The following ASAP1 variants were observed in gnomAD, a reference collection of about 807,000 sequenced individuals.
ASAP1 encodes the protein arf-GAP with SH3 domain, ANK repeat and PH domain-containing protein 1.
ASAP1 carries 43 observed loss-of-function variants against 145.2 expected under a neutral mutation model. The observed-to-expected ratio is 0.30, with a 90% CI of 0.23 to 0.38. ASAP1 has a LOEUF of 0.38. Among genes scored for constraint, ASAP1 ranks in the 10% least tolerant of loss-of-function variants. ASAP1 has a pLI of 1.00. For synonymous variants in ASAP1, 546 were observed against 515.5 expected (o/e 1.06, Z -0.80); for missense variants, 1,018 against 1,355.3 (o/e 0.75, Z 3.91).
intron 3 of ASAP1, among the ~76,000 whole-genome samples, chr8:130,275,321 G>A (rs1820812571): frequency 6.6e-6 from 1 of 152,250 alleles, no homozygotes; most frequent in Non-Finnish European, 1.5e-5. Flanking sequence ...ACAGGTCAAA[G>A]AGAGCTAAAG....
At chr8:130,335,852 A>T (rs1824999978) in intron 3 of ASAP1, among the ~76,000 whole-genome samples, 1 of 152,226 alleles carries the variant, frequency 6.6e-6, no homozygotes, top group South Asian at 2.1e-4. Context: ...AGGTTAATAA[A>T]AATGATATGG....
intron 7 of ASAP1, among the ~76,000 whole-genome samples, chr8:130,181,980 C>T (rs908328354): frequency 6.6e-5 from 10 of 152,138 alleles, no homozygotes; most frequent in South Asian, 4.1e-4. Flanking sequence ...GAAAATCCAC[C>T]GATCAAGCCA....
chr8:130,307,978 TTGTCTCC>T (rs1823098060), intron 3 of ASAP1, among the ~76,000 whole-genome samples: 1 of 152,242 alleles, frequency 6.6e-6, no homozygotes, highest in Non-Finnish European at 1.5e-5. Context: ...TCCTCAAAAG[TTGTCTCC>T]ATTTCCTGAC....
At chr8:130,437,667 GT>G (rs148077844) in intron 1 of ASAP1, among the ~76,000 whole-genome samples, 4,793 of 152,348 alleles carry the variant, frequency 0.031, 95 homozygotes, top group African/African-American at 0.057. Context: ...CACAGGACAA[GT>G]TTTTACAGAG....
At chr8:130,127,513 T>C (rs1051057621) in intron 16 of ASAP1, among the ~76,000 whole-genome samples, 5 of 152,132 alleles carry the variant, frequency 3.3e-5, no homozygotes, top group African/African-American at 7.2e-5. Context: ...CACCGTGCCA[T>C]AGCAAGAGGT....
At chr8:130,169,247 C>T (rs377537247) in intron 9 of ASAP1, among the ~76,000 whole-genome samples, 180 bp from the exon 10 acceptor site, 15 of 152,270 alleles carry the variant, frequency 9.9e-5, no homozygotes, top group African/African-American at 3.1e-4. Context: ...AAACTAATTA[C>T]GGCATTTTAT....
At chr8:130,198,702 C>T (rs1434462175) in intron 5 of ASAP1, among the ~76,000 whole-genome samples, 2 of 152,178 alleles carry the variant, frequency 1.3e-5, no homozygotes, top group Non-Finnish European at 2.9e-5. Flanking sequence ...TTAAGTAACT[C>T]GCCCAAGGTC....
At chr8:130,159,773 T>C (rs1043224975) in intron 12 of ASAP1, 91 bp downstream of exon 12, 8 of 1,018,440 alleles carry the variant, frequency 7.9e-6, no homozygotes, top group Non-Finnish European at 1.2e-5. Context: ...TAGTGTATTA[T>C]AAAATTTTAA....
intron 3 of ASAP1, among the ~76,000 whole-genome samples, chr8:130,338,407 AG>A (rs1330910673): frequency 6.6e-6 from 1 of 152,206 alleles, no homozygotes; most frequent in East Asian, 1.9e-4. Flanking sequence ...TATTCTGCAT[AG>A]GGGAAGTATT....
Position 130,267,120 on chromosome 8 carries a change from AAAC to A in ASAP1, c.187-30129_187-30127del, listed in dbSNP as rs1313948284. Among the ~76,000 whole-genome samples the A allele has an allele frequency of 1.5e-3, 168 of 113,432 alleles. No homozygotes were observed. In the East Asian group the frequency reaches 0.038, roughly 25 times the overall value. 74.4% of individuals were successfully genotyped at this position (113,432 alleles called of 152,430 possible). Reference sequence around the variant, plus strand: ...TCTGTCTCAAAACAAACAAACAAACAAACAAAAAAAAAACAAAACAAAAAACAA... The same window carrying A: ...TCTGTCTCAAAACAAACAAACAAACAAAAAAAAAAACAAAACAAAAAACAA... On this transcript the variant is annotated intron_variant, in intron 3 of 29. Transcript: ENST00000518721.
intron 5 of ASAP1, among the ~76,000 whole-genome samples, chr8:130,201,957 A>C (rs1265347024): frequency 2.0e-5 from 3 of 152,168 alleles, no homozygotes; most frequent in African/African-American, 7.2e-5. Flanking sequence ...AAAATTCAAC[A>C]AACATATGCA....
At chr8:130,366,886 CTTTTTTTTTTT>C (rs905755447) in intron 2 of ASAP1, among the ~76,000 whole-genome samples, 4 of 99,206 alleles carry the variant, frequency 4.0e-5, no homozygotes, top group African/African-American at 1.2e-4. Flanking sequence ...TGCTAGATTC[CTTTTTTTTTTT>C]TTTTTTTTTT....
At chr8:130,148,705 C>T (rs2097638852) in intron 13 of ASAP1, among the ~76,000 whole-genome samples, 1 of 152,160 alleles carries the variant, frequency 6.6e-6, no homozygotes, top group South Asian at 2.1e-4. Flanking sequence ...CTTATACTTT[C>T]TGTTGTAATT....
intron 12 of ASAP1, among the ~76,000 whole-genome samples, chr8:130,154,060 A>C (rs1482161560): frequency 6.6e-6 from 1 of 152,054 alleles, no homozygotes; most frequent in Non-Finnish European, 1.5e-5. Context: ...TAAGAAAGTA[A>C]CTCAAGAAGT....
chr8:130,151,099 G>A (rs1398544767), intron 13 of ASAP1, among the ~76,000 whole-genome samples: 4 of 152,046 alleles, frequency 2.6e-5, no homozygotes, highest in East Asian at 3.9e-4. Context: ...AGGGCCAGGC[G>A]TGCAGGCTCA....
At chr8:130,411,140 G>A (rs975278294) in intron 1 of ASAP1, among the ~76,000 whole-genome samples, 2 of 152,234 alleles carry the variant, frequency 1.3e-5, no homozygotes, top group African/African-American at 4.8e-5. Flanking sequence ...GGGATTACAG[G>A]CATGAGCCAC....
At chr8:130,264,920 T>C (rs1820152317) in intron 3 of ASAP1, among the ~76,000 whole-genome samples, 1 of 151,082 alleles carries the variant, frequency 6.6e-6, no homozygotes, top group South Asian at 2.1e-4. Context: ...CCCCCAAGAA[T>C]CAAAGGAAAA....
chr8:130,192,362 T>C (rs1815198637), intron 5 of ASAP1, among the ~76,000 whole-genome samples: 1 of 151,730 alleles, frequency 6.6e-6, no homozygotes, highest in Admixed American at 6.6e-5. Context: ...CTAAAAAGGC[T>C]CTTGGGGAAA....
chr8:130,385,932 C>T (rs932433614), intron 2 of ASAP1, among the ~76,000 whole-genome samples: 1 of 152,196 alleles, frequency 6.6e-6, no homozygotes, highest in Non-Finnish European at 1.5e-5. Flanking sequence ...TCCCTGAAGT[C>T]TGGGAATGAT....
Sources: gnomAD v4.1 joint callset for allele counts (sites outside exome capture counted in the v4.1 genomes callset) on GRCh38, gnomAD v4.1.1 for gene constraint, MANE v1.5 for transcripts, NCBI Gene and HGNC (gene_info 2026-07-23, HGNC 2026-07-21) for gene names.